XPR1: variants seen among roughly 807,000 people sequenced by gnomAD.
XPR1 encodes solute carrier family 53 member 1.
XPR1 carries 28 observed loss-of-function variants against 87.5 expected under a neutral mutation model. That is an observed-to-expected ratio of 0.32 (90% CI 0.24 to 0.44). The LOEUF (loss-of-function observed/expected upper bound fraction) is 0.44. Among genes scored for constraint, XPR1 ranks in the 20% least tolerant of loss-of-function variants. The pLI, the probability that XPR1 is intolerant of heterozygous loss-of-function variation, is 1.00. For missense variants in XPR1, 559 were observed against 862.3 expected, an observed-to-expected ratio of 0.65 and a Z score of 4.41; for synonymous variants, 300 against 306.1, an observed-to-expected ratio of 0.98 and a Z score of 0.21.
chr1:180,729,292 G>C (rs571851448), intron 2 of XPR1, among the ~76,000 whole-genome samples: 1 of 152,148 alleles, frequency 6.6e-6, no homozygotes, highest in Non-Finnish European at 1.5e-5. Context: ...GAATAGTACT[G>C]CGATTAACAT....
chr1:180,717,676 T>TTTAGAGAAAGA (rs1658045364), intron 2 of XPR1, among the ~76,000 whole-genome samples: 1 of 152,178 alleles, frequency 6.6e-6, no homozygotes, highest in Non-Finnish European at 1.5e-5. Context: ...AATGATGAAT[T>TTTAGAGAAAGA]AAATTTAGTG....
chr1:180,798,724 A>G (rs1168970341), intron 3 of XPR1, among the ~76,000 whole-genome samples: 2 of 152,104 alleles, frequency 1.3e-5, no homozygotes, highest in African/African-American at 4.8e-5. Context: ...AGTGAATCTC[A>G]TGCCTCAGCC....
intron 7 of XPR1, among the ~76,000 whole-genome samples, chr1:180,818,649 T>C (rs1328876045): frequency 6.6e-6 from 1 of 152,212 alleles, no homozygotes; most frequent in African/African-American, 2.4e-5. Flanking sequence ...TGGGACCTTA[T>C]ATATCTTTTA....
rs1223467426 is a variant in XPR1 at position 180,704,839 on chromosome 1, T to TA, written c.121+22430dup. On this transcript the variant is annotated intron_variant, in intron 2 of 14. Transcript: ENST00000367590. ...GTTTTTTTTTTTTTTTTTTTTTTTTTAAGTAATAATCATGGAATCTTACTT... is the reference window on the plus strand; with the variant it reads ...GTTTTTTTTTTTTTTTTTTTTTTTTTAAAGTAATAATCATGGAATCTTACTT... 2.7e-5 allele frequency among the ~76,000 whole-genome samples: 4 copies of TA among 145,568 alleles called. No homozygotes were observed. In the East Asian group the frequency reaches 5.9e-4, roughly 22 times the overall value.
intron 11 of XPR1, among the ~76,000 whole-genome samples, chr1:180,842,283 A>G (rs1333345774): frequency 1.3e-5 from 2 of 152,154 alleles, no homozygotes; most frequent in African/African-American, 4.8e-5. Context: ...CATTTTCAAG[A>G]TTGTTTCAGA....
rs59659013 is a variant in XPR1 at position 180,655,712 on chromosome 1, A to G, written c.69+23442A>G. On this transcript the variant is annotated intron_variant, in intron 1 of 14. Transcript: ENST00000367590. ...TCCTGTGCTTTCTTTTTAGAGTTTT[A>G]TAGCTTTAAGTCTTACATTTAGGTC... Among the ~76,000 whole-genome samples, 1,186 of 152,076 alleles carry G rather than the reference A, an allele frequency of 7.8e-3. 17 individuals are homozygous for G. The highest frequency in any genetic ancestry group is 0.027 in the African/African-American group (1,132 of 41,496).
At chr1:180,724,559 G>T (rs1658273376) in intron 2 of XPR1, among the ~76,000 whole-genome samples, 1 of 151,900 alleles carries the variant, frequency 6.6e-6, no homozygotes, top group Non-Finnish European at 1.5e-5. Context: ...TTAAGTAAGG[G>T]TTTGTGGGTG....
intron 6 of XPR1, among the ~76,000 whole-genome samples, 175 bp downstream of exon 6, chr1:180,806,732 T>A (rs542417419): frequency 1.3e-5 from 2 of 152,354 alleles, no homozygotes; most frequent in East Asian, 3.9e-4. Flanking sequence ...TTCTGAATTA[T>A]AATGTCTTCC....
In XPR1 at chr1:180,873,824, A is replaced by G. The variant is rs758405959; in HGVS notation, c.1690A>G (p.Ile564Val). 6.2e-7 allele frequency: 1 copy of G among 1,613,982 alleles called. No homozygotes were observed. Among genetic ancestry groups the G allele is most frequent in the Non-Finnish European group, 8.5e-7 (1 of 1,179,984 alleles). Reference sequence around the variant, plus strand: ...TCAGGCCTACTACTACTGTGCCATAATAGAGGATGTGATTCTGCGCTTTGC... The same window carrying G: ...TCAGGCCTACTACTACTGTGCCATAGTAGAGGATGTGATTCTGCGCTTTGC... The part of the protein sequence containing the change: ...PQKAYYYCAI[I>V]EDVILRFAWT... The change falls in exon 13 of 15, where the codon ATA (isoleucine) becomes GTA (valine). Residue 564 changes from isoleucine (I) to valine (V), a missense_variant. Physicochemically the swap from Ile to Val is conservative, Grantham distance 29. This residue lies in a region of XPR1 where 264 missense variants were observed against 377.2 expected (regional missense o/e 0.70). Transcript: ENST00000367590.
intron 14 of XPR1, among the ~76,000 whole-genome samples, chr1:180,882,151 CTT>C (rs1430639105): frequency 6.6e-6 from 1 of 152,150 alleles, no homozygotes; most frequent in Non-Finnish European, 1.5e-5. Context: ...AGAAGGGGCT[CTT>C]TGGCAATAGA....
chr1:180,650,223 G>A (rs917763184), intron 1 of XPR1, among the ~76,000 whole-genome samples: 11 of 151,772 alleles, frequency 7.2e-5, no homozygotes, highest in African/African-American at 2.4e-4. Context: ...AATATTTACC[G>A]CCGTCCCCCC....
At chr1:180,855,377 G>GT (rs1651993137) in intron 11 of XPR1, among the ~76,000 whole-genome samples, 1 of 152,028 alleles carries the variant, frequency 6.6e-6, no homozygotes, top group Non-Finnish European at 1.5e-5. Flanking sequence ...TTGAAAAGGG[G>GT]TTTTTACAGC....
chr1:180,644,020 G>A (rs1655034795), intron 1 of XPR1, among the ~76,000 whole-genome samples: 1 of 152,144 alleles, frequency 6.6e-6, no homozygotes, highest in South Asian at 2.1e-4. Context: ...TTGGGCAATA[G>A]TATATAACTA....
intron 2 of XPR1, among the ~76,000 whole-genome samples, chr1:180,723,817 G>C (rs1488697978): frequency 3.3e-5 from 5 of 152,030 alleles, no homozygotes; most frequent in Admixed American, 6.6e-5. Flanking sequence ...CATTTACCAG[G>C]AGAAGCAGTT....
chr1:180,853,626 GACAC>G (rs143320476), intron 11 of XPR1, among the ~76,000 whole-genome samples: 43,598 of 140,092 alleles, frequency 0.31, 6,719 homozygotes, highest in Non-Finnish European at 0.35. Context: ...TTAGACTATA[GACAC>G]ACACACACAC....
chr1:180,693,162 A>G (rs771285728), intron 2 of XPR1, among the ~76,000 whole-genome samples: 9 of 152,250 alleles, frequency 5.9e-5, no homozygotes, highest in Non-Finnish European at 5.9e-5. Flanking sequence ...GATTTCAGAT[A>G]GAATTTCCTG....
intron 2 of XPR1, among the ~76,000 whole-genome samples, chr1:180,711,030 G>A (rs12072020): frequency 0.044 from 6,291 of 143,638 alleles, 488 homozygotes; most frequent in African/African-American, 0.15. Context: ...GCTGCCGGGC[G>A]GAGGGGCTCC....
Position 180,689,765 on chromosome 1 carries a change from A to C in XPR1, c.121+7354A>C, listed in dbSNP as rs138320263. ...TGCGACAAATGTACCATATTTATGT[A>C]AGACGTTAATGATAGGGGCAGCTGG... On this transcript the variant is annotated intron_variant, in intron 2 of 14. Coordinates refer to ENST00000367590, the MANE Select transcript of XPR1 (RefSeq NM_004736.4). Among the ~76,000 whole-genome samples, 439 of 152,340 alleles carry C rather than the reference A, an allele frequency of 2.9e-3. 3 individuals carry two copies. The highest frequency in any genetic ancestry group is 9.6e-3 in the African/African-American group (400 of 41,576).
At chr1:180,718,435 C>G (rs1319562833) in intron 2 of XPR1, among the ~76,000 whole-genome samples, 4 of 151,820 alleles carry the variant, frequency 2.6e-5, no homozygotes, top group South Asian at 4.2e-4. Flanking sequence ...TTAAATTTGC[C>G]CCCAAATAAA....
Sources: allele counts gnomAD v4.1 joint callset (sites outside exome capture counted in the v4.1 genomes callset), GRCh38; gene constraint gnomAD v4.1.1; regional missense constraint gnomAD v4.1.1; transcripts MANE v1.5; gene names NCBI Gene and HGNC (gene_info 2026-07-23, HGNC 2026-07-21).